Variants in MRPS9 observed in about 807,000 individuals in gnomAD.
The protein encoded by MRPS9 is mitochondrial ribosomal protein S9.
Under a neutral mutation model 59.9 loss-of-function variants are expected in MRPS9, and 45 were observed. The ratio of observed to expected loss-of-function variants is 0.75; its 90% CI spans 0.59 to 0.96. The LOEUF (loss-of-function observed/expected upper bound fraction) is 0.96. MRPS9 is among the 40% of genes least tolerant of loss of function. The probability of loss-of-function intolerance (pLI) is 0.00; values close to 1 mark genes in which losing one functional copy is unlikely to be tolerated. For missense variants in MRPS9, 473 were observed against 481.1 expected (o/e 0.98, Z 0.16); for synonymous variants, 171 against 166.8 (o/e 1.03, Z -0.19).
intron 2 of MRPS9, 112 bp downstream of exon 2, chr2:105,049,462 G>A: frequency 1.1e-6 from 1 of 885,744 alleles, no homozygotes; most frequent in Non-Finnish European, 1.7e-6. Flanking sequence ...GTCAGAATAA[G>A]GAAAAATGCT....
At chr2:105,071,033 T>C (rs1001246692) in intron 2 of MRPS9, among the ~76,000 whole-genome samples, 1 of 152,254 alleles carries the variant, frequency 6.6e-6, no homozygotes, top group Non-Finnish European at 1.5e-5. Flanking sequence ...GGAGCATCTC[T>C]AAGTGATCCC....
chr2:105,095,104 G>T (rs541591043), intron 9 of MRPS9, among the ~76,000 whole-genome samples: 1 of 152,296 alleles, frequency 6.6e-6, no homozygotes, highest in Non-Finnish European at 1.5e-5. Flanking sequence ...TAAAGTAGTT[G>T]TAAGGATTTA....
At chr2:105,086,129 C>A (rs760109272) in intron 5 of MRPS9, among the ~76,000 whole-genome samples, 2 of 152,162 alleles carry the variant, frequency 1.3e-5, no homozygotes, top group Non-Finnish European at 2.9e-5. Flanking sequence ...ACCTCACCCC[C>A]GCTATCATTC....
Position 105,099,761 on chromosome 2 carries a change from AG to A in MRPS9, c.*3del. 1 of 1,614,104 alleles carries A rather than the reference AG, an allele frequency of 6.2e-7. No homozygotes were observed. The highest frequency in any genetic ancestry group is 1.3e-5 in the African/African-American group (1 of 75,054). On this transcript the variant is annotated 3_prime_UTR_variant, in exon 11 of 11. Transcript: ENST00000258455. The stretch of plus-strand genomic sequence containing the variant: ...GAAAGTTTACGTGGAAGAAACGCTA[AG>A]GGTTTGCTCCCAGGAAAGGAGAGGA...
intron 5 of MRPS9, 89 bp downstream of exon 5, chr2:105,080,151 C>G (rs1680301704): frequency 1.2e-6 from 1 of 834,166 alleles, no homozygotes; most frequent in African/African-American, 1.8e-5. Context: ...CAGAATTTAC[C>G]TAGTATTTTA....
chr2:105,047,764 T>C (rs1679619872), intron 1 of MRPS9, among the ~76,000 whole-genome samples: 1 of 152,032 alleles, frequency 6.6e-6, no homozygotes, highest in South Asian at 2.1e-4. Flanking sequence ...TTAGCATCTT[T>C]GACTGAAGGC....
chr2:105,049,554 C>T (rs538902577), intron 2 of MRPS9, among the ~76,000 whole-genome samples: 1 of 152,250 alleles, frequency 6.6e-6, no homozygotes, highest in Admixed American at 6.5e-5. Flanking sequence ...TTAGGTGTTA[C>T]CTAGAAATGA....
Position 105,099,888 on chromosome 2 carries a change from G to T in MRPS9, c.*127G>T. 1.6e-6 allele frequency: 1 copy of T among 620,772 alleles called. No homozygotes were observed. 38.5% of individuals were successfully genotyped at this position (620,772 alleles called of 1,614,324 possible). On this transcript the variant is annotated 3_prime_UTR_variant, in exon 11 of 11. Coordinates refer to ENST00000258455, the MANE Select transcript of MRPS9 (RefSeq NM_182640.3). ...AGAAATTTCTTTGAGCTGTGAGATG[G>T]ATTTATTTTTAAATGCTACTTTGTA... is the stretch of plus-strand genomic sequence containing the variant.
intron 1 of MRPS9, among the ~76,000 whole-genome samples, chr2:105,038,912 C>A (rs1302965391): frequency 6.6e-6 from 1 of 152,126 alleles, no homozygotes. Flanking sequence ...AGTAGGTCTA[C>A]GGATAGTCAA....
At chr2:105,096,808 G>A (rs1185280931) in intron 9 of MRPS9, among the ~76,000 whole-genome samples, 3 of 152,128 alleles carry the variant, frequency 2.0e-5, no homozygotes, top group Non-Finnish European at 4.4e-5. Context: ...TCAATCCAGA[G>A]ACATTAAATT....
Position 105,099,869 on chromosome 2 carries a change from T to G in MRPS9, c.*108T>G. On this transcript the variant is annotated 3_prime_UTR_variant, in exon 11 of 11. Transcript: ENST00000258455. ...GCATGAGGGCAGTACTGTCAGAAAT[T>G]TCTTTGAGCTGTGAGATGGATTTAT... 1.2e-6 allele frequency: 1 copy of G among 802,020 alleles called. No homozygotes were observed. Among genetic ancestry groups the G allele is most frequent in the Non-Finnish European group, 1.9e-6 (1 of 524,016 alleles). The allele number at this position is 802,020 out of a possible 1,614,324, so 49.7% of individuals were successfully genotyped here.
chr2:105,038,855 G>A (rs1458201430), intron 1 of MRPS9, among the ~76,000 whole-genome samples: 1 of 152,170 alleles, frequency 6.6e-6, no homozygotes, highest in African/African-American at 2.4e-5. Flanking sequence ...TGAGAGGGAA[G>A]AAACGAGTTT....
At chr2:105,091,378 A>C (rs764241037) in intron 7 of MRPS9, 1 of 471,024 alleles carries the variant, frequency 2.1e-6, no homozygotes, top group African/African-American at 2.0e-5. Flanking sequence ...TGAGCACAGA[A>C]CGCCCAGGCC....
intron 4 of MRPS9, among the ~76,000 whole-genome samples, chr2:105,078,315 A>AGTGTGTGTGTGTGTGTGTGTGTGTGT (rs71250682): frequency 6.8e-6 from 1 of 147,356 alleles, no homozygotes; most frequent in African/African-American, 2.5e-5. Flanking sequence ...GGTGAAGTCA[A>AGTGTGTGTGTGTGTGTGTGTGTGTGT]GTGTGTGTGT....
At chr2:105,099,181 T>G (rs948192277) in intron 10 of MRPS9, 2 of 152,268 alleles carry the variant, frequency 1.3e-5, no homozygotes, top group African/African-American at 4.8e-5. Context: ...CAAGTCATAT[T>G]TGTGTGTATA....
chr2:105,077,663 G>A (rs115656458), intron 4 of MRPS9, among the ~76,000 whole-genome samples: 140 of 152,328 alleles, frequency 9.2e-4, no homozygotes, highest in African/African-American at 3.2e-3. Context: ...GGAAGTATGT[G>A]TTACTTGTGT....
At chr2:105,067,174 A>T (rs886596006) in intron 2 of MRPS9, among the ~76,000 whole-genome samples, 1 of 152,154 alleles carries the variant, frequency 6.6e-6, no homozygotes, top group Non-Finnish European at 1.5e-5. Flanking sequence ...TCATTATCAC[A>T]TCTGATACAA....
chr2:105,041,996 A>G (rs910944852), intron 1 of MRPS9, among the ~76,000 whole-genome samples: 2 of 152,252 alleles, frequency 1.3e-5, no homozygotes, highest in African/African-American at 2.4e-5. Context: ...GTAAAACAAG[A>G]TAACTAAACT....
At chr2:105,085,223 C>T (rs1680424301) in intron 5 of MRPS9, among the ~76,000 whole-genome samples, 2 of 152,054 alleles carry the variant, frequency 1.3e-5, no homozygotes, top group East Asian at 1.9e-4. Flanking sequence ...AGATACATAG[C>T]GTAAACCTCT....
Sources: gnomAD v4.1 joint callset for allele counts (sites outside exome capture counted in the v4.1 genomes callset) on GRCh38, gnomAD v4.1.1 for gene constraint, MANE v1.5 for transcripts, NCBI Gene and HGNC (gene_info 2026-07-23, HGNC 2026-07-21) for gene names.